Variants in PLXNA4 observed in about 807,000 individuals in gnomAD.
PLXNA4 encodes plexin A4, also known as plexin-A4.
A neutral mutation model predicts 191.8 loss-of-function variants in PLXNA4; 44 were observed. The ratio of observed to expected loss-of-function variants is 0.23; its 90% CI spans 0.18 to 0.29. The LOEUF is 0.29. PLXNA4 is among the 10% of genes least tolerant of loss of function. The pLI, the probability that PLXNA4 is intolerant of heterozygous loss-of-function variation, is 1.00. For synonymous variants in PLXNA4, 1,082 were observed against 1,009.5 expected, an observed-to-expected ratio of 1.07 and a Z score of -1.36; for missense variants, 1,800 against 2,488.8, an observed-to-expected ratio of 0.72 and a Z score of 5.89.
chr7:132,156,325 A>C (rs1795797858), intron 25 of PLXNA4, among the ~76,000 whole-genome samples: 1 of 152,160 alleles, frequency 6.6e-6, no homozygotes, highest in Non-Finnish European at 1.5e-5. Flanking sequence ...CTGAGCTCTG[A>C]GGAGCAATGA....
intron 3 of PLXNA4, among the ~76,000 whole-genome samples, chr7:132,379,197 C>T (rs920757076): frequency 1.3e-5 from 2 of 152,066 alleles, no homozygotes; most frequent in Admixed American, 6.6e-5. Flanking sequence ...TACAAAATTC[C>T]CCATGATTGG....
At chr7:132,158,897 C>T (rs1207620257) in intron 25 of PLXNA4, among the ~76,000 whole-genome samples, 1 of 152,198 alleles carries the variant, frequency 6.6e-6, no homozygotes, top group Non-Finnish European at 1.5e-5. Context: ...TTTATAGAGG[C>T]TGGGAGATAT....
intron 1 of PLXNA4, among the ~76,000 whole-genome samples, chr7:132,563,982 TCTC>T (rs144297872): frequency 0.03 from 307 of 10,220 alleles, 12 homozygotes; most frequent in Non-Finnish European, 0.063. Flanking sequence ...TCCTCCTCCT[TCTC>T]CTCCTCCTCC....
chr7:132,347,571 C>T (rs1327051841), intron 3 of PLXNA4, among the ~76,000 whole-genome samples: 2 of 152,148 alleles, frequency 1.3e-5, no homozygotes, highest in African/African-American at 4.8e-5. Context: ...AAAAAGCCGT[C>T]CAAAATCGTT....
At chr7:132,488,414 A>T (rs1797648156) in intron 3 of PLXNA4, among the ~76,000 whole-genome samples, 2 of 152,252 alleles carry the variant, frequency 1.3e-5, no homozygotes, top group South Asian at 4.1e-4. Flanking sequence ...TCTGAATCAC[A>T]CAATGTCCAG....
intron 2 of PLXNA4, among the ~76,000 whole-genome samples, chr7:132,644,939 T>C (rs1269255169): frequency 1.3e-5 from 2 of 152,108 alleles, no homozygotes; most frequent in African/African-American, 4.8e-5. Flanking sequence ...TCAAGAGAGA[T>C]GGGCACAGCT....
intron 2 of PLXNA4, among the ~76,000 whole-genome samples, chr7:132,588,673 A>AGGGAAGGGAC (rs1802547408): frequency 2.1e-5 from 2 of 96,868 alleles, no homozygotes; most frequent in Non-Finnish European, 3.8e-5. Flanking sequence ...AGGGAAGGGA[A>AGGGAAGGGAC]GGGAAGGGAG....
intron 3 of PLXNA4, among the ~76,000 whole-genome samples, chr7:132,448,870 A>G (rs1416332388): frequency 6.6e-6 from 1 of 152,250 alleles, no homozygotes; most frequent in Non-Finnish European, 1.5e-5. Flanking sequence ...TTATGTAGAA[A>G]TATCTATACA....
chr7:132,254,715 A>G (rs760919721), intron 4 of PLXNA4, among the ~76,000 whole-genome samples: 4 of 152,136 alleles, frequency 2.6e-5, no homozygotes, highest in African/African-American at 9.7e-5. Context: ...ACCGGACTGT[A>G]GTAGTAGGCC....
chr7:132,432,091 A>G (rs975585505), intron 3 of PLXNA4, among the ~76,000 whole-genome samples: 5 of 152,062 alleles, frequency 3.3e-5, no homozygotes, highest in African/African-American at 1.2e-4. Flanking sequence ...GTGTTTCTCC[A>G]CAATAGTAGT....
chr7:132,337,126 G>A (rs1236334971), intron 3 of PLXNA4, among the ~76,000 whole-genome samples: 2 of 152,198 alleles, frequency 1.3e-5, no homozygotes, highest in Non-Finnish European at 2.9e-5. Flanking sequence ...CAGGGCAAAG[G>A]AACATTCCAC....
intron 2 of PLXNA4, among the ~76,000 whole-genome samples, chr7:132,609,450 T>G (rs1007879801): frequency 1.3e-5 from 2 of 151,948 alleles, no homozygotes. Context: ...TGTCCTGGAG[T>G]GATGGGGAAT....
intron 4 of PLXNA4, among the ~76,000 whole-genome samples, chr7:132,262,079 A>G (rs1166365374): frequency 2.6e-5 from 4 of 152,136 alleles, no homozygotes; most frequent in Non-Finnish European, 4.4e-5. Context: ...TTGAGAGTAC[A>G]TTTCCCTTCC....
intron 3 of PLXNA4, among the ~76,000 whole-genome samples, chr7:132,386,651 C>A (rs1805156079): frequency 6.6e-6 from 1 of 152,168 alleles, no homozygotes; most frequent in South Asian, 2.1e-4. Context: ...CCTGGCATAC[C>A]CCCGGTACGT....
chr7:132,378,190 G>GCT (rs1804740843), intron 3 of PLXNA4, among the ~76,000 whole-genome samples: 1 of 152,142 alleles, frequency 6.6e-6, no homozygotes, highest in African/African-American at 2.4e-5. Flanking sequence ...CACTAGCTGT[G>GCT]GCAGCTTGGT....
chr7:132,252,040 G>A lies in PLXNA4; in HGVS notation c.1504-10874C>T, dbSNP rs558694085. ...AGGCAGAGACGACAGATGACCCAAG[G>A]AATTCTAAATCATCTTCGTTTCACC... On this transcript the variant is annotated intron_variant, in intron 4 of 31. Transcript: ENST00000321063. 6.6e-5 allele frequency among the ~76,000 whole-genome samples: 10 copies of A among 152,218 alleles called. No homozygotes were observed. In the South Asian group the frequency reaches 2.1e-3, roughly 32 times the overall value.
At chr7:132,155,018 T>C (rs1795751317) in intron 25 of PLXNA4, among the ~76,000 whole-genome samples, 3 of 152,258 alleles carry the variant, frequency 2.0e-5, no homozygotes, top group Admixed American at 2.0e-4. Flanking sequence ...GAACTCTTTA[T>C]ATTTCACTCA....
chr7:132,189,379 T>G (rs1424136733), intron 14 of PLXNA4, among the ~76,000 whole-genome samples: 1 of 152,242 alleles, frequency 6.6e-6, no homozygotes, highest in South Asian at 2.1e-4. Flanking sequence ...ACCTCTTCAC[T>G]TGGCTCCATG....
rs565879945 is a variant in PLXNA4 at position 132,384,136 on chromosome 7, C to G, written c.1372-85914G>C. On this transcript the variant is annotated intron_variant, in intron 3 of 31. Transcript: ENST00000321063. ...AAGGTTCTCAAGAGCCCTCCTGATT[C>G]ATTCCCTCCCACAGGCCAGGAACCT... 6 of 985,422 alleles carry G rather than the reference C, an allele frequency of 6.1e-6. No homozygotes were observed. In the South Asian group the frequency reaches 1.9e-4, roughly 31 times the overall value. The allele number at this position is 985,422 out of a possible 1,614,324, so 61.0% of individuals were successfully genotyped here.
Sources: allele counts gnomAD v4.1 joint callset (sites outside exome capture counted in the v4.1 genomes callset), GRCh38; gene constraint gnomAD v4.1.1; transcripts MANE v1.5; gene names NCBI Gene and HGNC (gene_info 2026-07-23, HGNC 2026-07-21).